Variants in WRN observed in about 807,000 individuals in gnomAD.
WRN encodes the protein bifunctional 3'-5' exonuclease/ATP-dependent helicase WRN.
Under a neutral mutation model 180.7 loss-of-function variants are expected in WRN, and 149 were observed. The observed-to-expected ratio is 0.82, with a 90% confidence interval of 0.72 to 0.94. The LOEUF (loss-of-function observed/expected upper bound fraction) is 0.94. WRN is among the 40% of genes least tolerant of loss of function. The probability of loss-of-function intolerance (pLI) is 0.00; values close to 1 mark genes in which losing one functional copy is unlikely to be tolerated. For synonymous variants in WRN, 548 were observed against 568.9 expected, an observed-to-expected ratio of 0.96 and a Z score of 0.52; for missense variants, 1,661 against 1,700.1, an observed-to-expected ratio of 0.98 and a Z score of 0.40.
chr8:31,132,420 C>T lies in WRN; in HGVS notation c.2881C>T (p.Pro961Ser). 1 of 1,614,130 alleles carries T rather than the reference C, an allele frequency of 6.2e-7. No homozygotes were observed. The highest frequency in any genetic ancestry group is 8.5e-7 in the Non-Finnish European group (1 of 1,180,004). The change falls in exon 24 of 35, where the codon CCA becomes TCA. Residue 961 changes from proline (P) to serine (S), a missense_variant. Physicochemically the swap from Pro to Ser is moderately conservative, Grantham distance 74. Around this residue, in one of 3 missense-constraint regions of WRN, gnomAD observed 1,141 missense variants for 1,149.4 expected, o/e 0.99. Coordinates refer to ENST00000298139, the MANE Select transcript of WRN (RefSeq NM_000553.6). ...DSEDTSWDFGPQAFKLLSAVD... is the reference protein window; with the variant it reads ...DSEDTSWDFGSQAFKLLSAVD... Reference sequence around the variant, plus strand: ...AGAGGATACATCCTGGGACTTTGGTCCACAAGCATTTAAGCTTTTGTCTGC... The same window carrying T: ...AGAGGATACATCCTGGGACTTTGGTTCACAAGCATTTAAGCTTTTGTCTGC...
intron 13 of WRN, 26 bp from the exon 14 acceptor site, chr8:31,090,439 A>G (rs1410237256): frequency 1.9e-6 from 3 of 1,606,480 alleles, no homozygotes; most frequent in South Asian, 1.1e-5. Flanking sequence ...ATAAAACAAA[A>G]TAGCTTTTTG....
intron 6 of WRN, among the ~76,000 whole-genome samples, chr8:31,067,690 A>G (rs1812765637): frequency 6.6e-6 from 1 of 152,162 alleles, no homozygotes. Flanking sequence ...TATGTAGTGA[A>G]ATCTGGGCTT....
intron 24 of WRN, among the ~76,000 whole-genome samples, chr8:31,137,072 TTA>T (rs1329776880): frequency 1.3e-5 from 2 of 151,996 alleles, no homozygotes; most frequent in Non-Finnish European, 2.9e-5. Flanking sequence ...TTTTTTTTTT[TTA>T]ATGTTACTTG....
chr8:31,166,872 C>T (rs901945722), intron 33 of WRN, 150 bp from the exon 34 acceptor site: 13 of 720,572 alleles, frequency 1.8e-5, no homozygotes, highest in Middle Eastern at 4.0e-4. Flanking sequence ...ATTTCCATTC[C>T]GTAAGGCTAT....
At chr8:31,085,290 A>G (rs1813486869) in intron 11 of WRN, 44 bp downstream of exon 11, 4 of 1,606,124 alleles carry the variant, frequency 2.5e-6, no homozygotes, top group Non-Finnish European at 8.5e-7. Flanking sequence ...TTCTTTCCAA[A>G]GGACATTTAA....
At chr8:31,123,313 C>A (rs991829459) in intron 21 of WRN, among the ~76,000 whole-genome samples, 1 of 151,996 alleles carries the variant, frequency 6.6e-6, no homozygotes. Flanking sequence ...TAAACTTTTT[C>A]ATAGGTATAT....
chr8:31,117,285 A>C (rs1305066272), intron 20 of WRN, among the ~76,000 whole-genome samples: 2 of 152,192 alleles, frequency 1.3e-5, no homozygotes, highest in Admixed American at 1.3e-4. Flanking sequence ...TTGGGGTCTT[A>C]TAATCCTTGG....
At position 31,064,934 on chromosome 8, in the gene WRN, A is replaced by G; in HGVS notation, c.375A>G (p.Lys125=). The part of the protein sequence containing the change: ...SSMSVFPQGL[K]MLLENKAVKK... ...TTACAGTTTTTCCCCAGGGATTAAA[A>G]ATGTTGCTTGAAAATAAAGCAGTTA... The change falls in exon 5 of 35, where the codon AAA becomes AAG. Residue 125 remains lysine (K), a synonymous_variant. Transcript: ENST00000298139. The G allele has an allele frequency of 6.2e-7, 1 of 1,613,666 alleles. No individual in the cohort carries two copies. Among genetic ancestry groups the G allele is most frequent in the Non-Finnish European group, 8.5e-7 (1 of 1,179,760 alleles).
intron 9 of WRN, among the ~76,000 whole-genome samples, chr8:31,082,370 G>A (rs1563339734): frequency 6.6e-6 from 1 of 152,066 alleles, no homozygotes; most frequent in East Asian, 1.9e-4. Flanking sequence ...GCAATTCTCT[G>A]TATTTTGGTA....
Position 31,059,162 on chromosome 8 carries a change from C to A in WRN, c.106C>A (p.Arg36=). 2.5e-6 allele frequency: 4 copies of A among 1,613,390 alleles called. No homozygotes were observed. Among genetic ancestry groups the A allele is most frequent in the Non-Finnish European group, 3.4e-6 (4 of 1,179,502 alleles). Residue 36 remains arginine (R), a synonymous_variant, in exon 3 of 35, where the codon CGG becomes AGG. Coordinates refer to ENST00000298139, the MANE Select transcript of WRN (RefSeq NM_000553.6). ...CAVEERKACV[R]KSVFEDDLPF... ...ATTTACTAAACTCAAGGCATGTGTT[C>A]GGAAGAGTGTTTTTGAAGATGACCT...
chr8:31,081,101 T>G lies in WRN; in HGVS notation c.1074T>G (p.Asp358Glu), dbSNP rs1585427898. The change falls in exon 9 of 35, where the codon GAT becomes GAG. Residue 358 changes from aspartate to glutamate, a missense_variant. Around this residue, in one of 3 missense-constraint regions of WRN, gnomAD observed 500 missense variants for 504.1 expected, o/e 0.99. Coordinates refer to ENST00000298139, the MANE Select transcript of WRN (RefSeq NM_000553.6). ...DPTLDHLAKH[D>E]GEDVLGNKVE... ...CACTTGATCATTTAGCTAAACATGATGGAGAAGATGTACTTGGAAATAAAG... is the reference window on the plus strand; with the variant it reads ...CACTTGATCATTTAGCTAAACATGAGGGAGAAGATGTACTTGGAAATAAAG... The G allele has an allele frequency of 1.2e-6, 2 of 1,614,020 alleles. No individual in the cohort carries two copies. The highest frequency in any genetic ancestry group is 1.7e-5 in the Admixed American group (1 of 60,018).
chr8:31,132,572 G>A, intron 24 of WRN, 66 bp downstream of exon 24: 1 of 1,607,576 alleles, frequency 6.2e-7, no homozygotes, highest in Non-Finnish European at 8.5e-7. Context: ...TTTCTTCAGA[G>A]GTTTGCAGTA....
At chr8:31,065,187 A>G (rs1812647733) in intron 5 of WRN, 124 bp downstream of exon 5, 2 of 980,464 alleles carry the variant, frequency 2.0e-6, no homozygotes, top group Non-Finnish European at 3.0e-6. Flanking sequence ...TTGTAGCAAT[A>G]AAAAAGTTCC....
At chr8:31,107,583 A>G (rs1801145291) in intron 18 of WRN, among the ~76,000 whole-genome samples, 1 of 152,172 alleles carries the variant, frequency 6.6e-6, no homozygotes, top group Admixed American at 6.6e-5. Flanking sequence ...GTGGTGAGAC[A>G]TGCCACCTGG....
Position 31,173,958 on chromosome 8 carries a change from C to CT in WRN, c.*862dup, listed in dbSNP as rs1017541631. 5.3e-5 allele frequency among the ~76,000 whole-genome samples: 8 copies of CT among 151,972 alleles called. No homozygotes were observed. Among genetic ancestry groups the CT allele is most frequent in the African/African-American group, 9.7e-5 (4 of 41,386 alleles). On this transcript the variant is annotated 3_prime_UTR_variant, in exon 35 of 35. Coordinates refer to ENST00000298139, the MANE Select transcript of WRN (RefSeq NM_000553.6). ...CATCCATTTCAAAGCCTTTGATTGG[C>CT]TTTTTTGTAAATAAAAATAACTTGT... is the stretch of plus-strand genomic sequence containing the variant.
Position 31,081,256 on chromosome 8 carries a change from A to G in WRN, c.1229A>G (p.Gln410Arg), listed in dbSNP as rs1450020287. Reference sequence around the variant, plus strand: ...CTCCAAATTTTGGAACAGCAGTCTCAGGAAGAATATCTTAGTGATATTGCT... The same window carrying G: ...CTCCAAATTTTGGAACAGCAGTCTCGGGAAGAATATCTTAGTGATATTGCT... The part of the protein sequence containing the change: ...HELQILEQQS[Q>R]EEYLSDIAYK... The change falls in exon 9 of 35, where the codon CAG (glutamine) becomes CGG (arginine). Residue 410 changes from glutamine to arginine, a missense_variant. Gln to Arg is a conservative substitution (Grantham distance 43). Coordinates refer to ENST00000298139, the MANE Select transcript of WRN (RefSeq NM_000553.6). The G allele has an allele frequency of 6.2e-7, 1 of 1,613,248 alleles. No homozygotes were observed. The highest frequency in any genetic ancestry group is 8.5e-7 in the Non-Finnish European group (1 of 1,179,390).
chr8:31,047,150 T>G lies in WRN; in HGVS notation c.-76-11222T>G, dbSNP rs142580467. ...CCTGGCAATGCTGATTTTTTTTTTTTTTTTTTTTTTGAGGCAAGGTCTCAC... is the reference window on the plus strand; with the variant it reads ...CCTGGCAATGCTGATTTTTTTTTTTGTTTTTTTTTTGAGGCAAGGTCTCAC... On this transcript the variant is annotated intron_variant, in intron 1 of 34. Transcript: ENST00000298139. Among the ~76,000 whole-genome samples the G allele has an allele frequency of 5.0e-3, 753 of 150,844 alleles. 10 individuals carry two copies. Among genetic ancestry groups the G allele is most frequent in the African/African-American group, 0.017 (686 of 41,034 alleles).
At chr8:31,086,722 G>T (rs890332403) in intron 11 of WRN, among the ~76,000 whole-genome samples, 29 of 152,104 alleles carry the variant, frequency 1.9e-4, no homozygotes, top group African/African-American at 6.3e-4. Context: ...ATTATTTAAG[G>T]TATTGCTTGA....
chr8:31,148,089 A>G (rs1247324405), intron 30 of WRN, among the ~76,000 whole-genome samples: 1 of 151,772 alleles, frequency 6.6e-6, no homozygotes, highest in Non-Finnish European at 1.5e-5. Flanking sequence ...GTTTTGCCAT[A>G]TTGCCTAGGC....
Sources: allele counts gnomAD v4.1 joint callset (sites outside exome capture counted in the v4.1 genomes callset), GRCh38; gene constraint gnomAD v4.1.1; regional missense constraint gnomAD v4.1.1; transcripts MANE v1.5; gene names NCBI Gene and HGNC (gene_info 2026-07-23, HGNC 2026-07-21).